The following CFAP45 variants were observed in gnomAD, a reference collection of about 807,000 sequenced individuals.
CFAP45 encodes cilia- and flagella-associated protein 45.
Under a neutral mutation model 75.6 loss-of-function variants are expected in CFAP45, and 43 were observed. The ratio of observed to expected loss-of-function variants is 0.57; its 90% CI spans 0.45 to 0.73. The LOEUF is 0.73. CFAP45 is among the 30% of genes least tolerant of loss of function. The pLI, the probability that CFAP45 is intolerant of heterozygous loss-of-function variation, is 0.00. For synonymous variants in CFAP45, 223 were observed against 244.6 expected (o/e 0.91, Z 0.82); for missense variants, 689 against 701.5 (o/e 0.98, Z 0.20).
intron 10 of CFAP45, chr1:159,876,301 C>T (rs74381625): frequency 0.037 from 20,288 of 555,728 alleles, 744 homozygotes; most frequent in African/African-American, 0.14. Flanking sequence ...TTTTACTGTT[C>T]CAGGGTAAAT....
At position 159,872,451 on chromosome 1, in the gene CFAP45, C is replaced by T. The variant is rs571895995; in HGVS notation, c.*34G>A. The T allele has an allele frequency of 3.8e-6, 6 of 1,563,086 alleles. No individual in the cohort carries two copies. The East Asian group carries it at 1.3e-4, about 35-fold the overall frequency. ...CCCAGAGACTGGGCAGAATCTGTCC[C>T]CCGAAGGCATCCTGAGGGCCACGAA... On this transcript the variant is annotated 3_prime_UTR_variant, in exon 12 of 12. Coordinates refer to ENST00000368099, the MANE Select transcript of CFAP45 (RefSeq NM_012337.3).
intron 8 of CFAP45, among the ~76,000 whole-genome samples, chr1:159,878,079 G>C (rs1469761306): frequency 6.6e-6 from 1 of 152,204 alleles, no homozygotes; most frequent in Non-Finnish European, 1.5e-5. Context: ...TCTTGCCCAA[G>C]ATTGCACAGG....
chr1:159,889,581 A>C (rs1649779122), intron 3 of CFAP45, among the ~76,000 whole-genome samples: 1 of 152,236 alleles, frequency 6.6e-6, no homozygotes, highest in African/African-American at 2.4e-5. Flanking sequence ...CCTGAAAAAT[A>C]ACCAGCCACT....
intron 10 of CFAP45, 101 bp downstream of exon 10, chr1:159,876,455 C>G (rs1198512171): frequency 1.2e-6 from 1 of 848,070 alleles, no homozygotes; most frequent in East Asian, 2.7e-5. Flanking sequence ...ACAAGATCGA[C>G]GAGCATCTGT....
At chr1:159,897,260 T>A (rs1294305021) in intron 1 of CFAP45, among the ~76,000 whole-genome samples, 1 of 150,648 alleles carries the variant, frequency 6.6e-6, no homozygotes, top group African/African-American at 2.4e-5. Context: ...CAAGACACTG[T>A]CTCAAAAAAT....
chr1:159,881,419 C>T (rs780299026), intron 7 of CFAP45, among the ~76,000 whole-genome samples: 19 of 152,156 alleles, frequency 1.2e-4, no homozygotes, highest in Non-Finnish European at 1.8e-4. Flanking sequence ...CTTAAGGTGG[C>T]GACACACCTC....
In CFAP45 at chr1:159,886,380, G is replaced by A. The variant is rs553178759; in HGVS notation, c.767+131C>T. 9.8e-4 allele frequency: 801 copies of A among 816,354 alleles called. 20 individuals carry two copies. In the South Asian group the frequency reaches 0.012, roughly 12 times the overall value. The allele number at this position is 816,354 out of a possible 1,614,324, so 50.6% of individuals were successfully genotyped here. A position where few individuals can be genotyped will look rare whatever the true frequency, so the allele number is the denominator to read the frequency against. ...GTTCTGTGATTCTATGTATCACTTC[G>A]TAAAGTTTTGAGATAATAAGTAGAT... is the stretch of plus-strand genomic sequence containing the variant. On this transcript the variant is annotated intron_variant, in intron 6 of 11. Transcript: ENST00000368099.
chr1:159,880,838 T>G, intron 7 of CFAP45, 138 bp from the exon 8 acceptor site: 1 of 726,510 alleles, frequency 1.4e-6, no homozygotes, highest in Non-Finnish European at 2.2e-6. Context: ...TATCCTTTGT[T>G]AAAGCTGTTT....
chr1:159,898,006 C>G, intron 1 of CFAP45: 1 of 616,186 alleles, frequency 1.6e-6, no homozygotes, highest in Non-Finnish European at 2.0e-6. Context: ...AACTTCAACA[C>G]CTGTCAACTA....
At chr1:159,881,415 G>A (rs1475792461) in intron 7 of CFAP45, among the ~76,000 whole-genome samples, 1 of 152,128 alleles carries the variant, frequency 6.6e-6, no homozygotes, top group African/African-American at 2.4e-5. Flanking sequence ...TGCACTTAAG[G>A]TGGCGACACA....
chr1:159,881,367 C>T (rs1649547019), intron 7 of CFAP45, among the ~76,000 whole-genome samples: 1 of 152,160 alleles, frequency 6.6e-6, no homozygotes, highest in Non-Finnish European at 1.5e-5. Flanking sequence ...GCTTGATTGC[C>T]TCAACTTTCA....
chr1:159,890,736 G>C, intron 2 of CFAP45, 114 bp from the exon 3 acceptor site: 1 of 700,188 alleles, frequency 1.4e-6, no homozygotes, highest in Non-Finnish European at 2.3e-6. Context: ...GGCTGGATGT[G>C]TACCGACCAG....
intron 8 of CFAP45, among the ~76,000 whole-genome samples, chr1:159,879,161 T>C (rs190252053): frequency 1.2e-4 from 19 of 152,284 alleles, no homozygotes; most frequent in Admixed American, 7.2e-4. Context: ...GGCGACTCCT[T>C]ATCATTCCAC....
In CFAP45 at chr1:159,872,993, G is replaced by T. The variant is rs760190244; in HGVS notation, c.1528C>A (p.Arg510Ser). The T allele has an allele frequency of 6.2e-7, 1 of 1,614,234 alleles. No homozygotes were observed. The highest frequency in any genetic ancestry group is 1.1e-5 in the South Asian group (1 of 91,086). The change falls in exon 11 of 12, where the codon CGC becomes AGC. Residue 510 changes from arginine to serine, a missense_variant. Physicochemically the swap from Arg to Ser is moderately radical, Grantham distance 110. Coordinates refer to ENST00000368099, the MANE Select transcript of CFAP45 (RefSeq NM_012337.3). ...TTGATCTCATCGATGCGCTCACGGC[G>T]TTTCTGGGCCTCCTCTTTGAGGCGC... ...GRRLKEEAQKRRERIDEIKRK... is the reference protein window; with the variant it reads ...GRRLKEEAQKSRERIDEIKRK...
In CFAP45 at chr1:159,893,233, G is replaced by T. The variant is rs774231764; in HGVS notation, c.76C>A (p.Arg26=). ...ACCTCAGAGCTCACGGCTTTGGTCC[G>T]ATAGCGAGCCTTATTCCTTGACCTG... ...SNRSRNKARY[R]TKAVSSEVDE... is the part of the protein sequence containing the mutation. The change falls in exon 2 of 12, where the codon CGG becomes AGG. Residue 26 remains arginine (R), a synonymous_variant. Coordinates refer to ENST00000368099, the MANE Select transcript of CFAP45 (RefSeq NM_012337.3). The T allele has an allele frequency of 1.2e-6, 2 of 1,614,072 alleles. No individual in the cohort carries two copies. The highest frequency in any genetic ancestry group is 1.7e-6 in the Non-Finnish European group (2 of 1,179,988).
chr1:159,877,840 G>A (rs1271066772), intron 8 of CFAP45, among the ~76,000 whole-genome samples: 1 of 151,758 alleles, frequency 6.6e-6, no homozygotes, highest in Non-Finnish European at 1.5e-5. Context: ...TTGCATTACT[G>A]CATTCCCCTG....
intron 8 of CFAP45, among the ~76,000 whole-genome samples, chr1:159,879,623 T>G (rs1005774962): frequency 1.3e-5 from 2 of 152,194 alleles, no homozygotes; most frequent in Non-Finnish European, 2.9e-5. Context: ...GCATAGAGTG[T>G]CCCCAGCATC....
chr1:159,898,700 A>C (rs1334847852), intron 1 of CFAP45, among the ~76,000 whole-genome samples: 1 of 152,178 alleles, frequency 6.6e-6, no homozygotes, highest in African/African-American at 2.4e-5. Flanking sequence ...AAAAGAGGAC[A>C]AAAGGGGAAC....
intron 10 of CFAP45, 27 bp from the exon 11 acceptor site, chr1:159,873,195 G>C (rs780324973): frequency 1.3e-6 from 2 of 1,599,120 alleles, no homozygotes; most frequent in South Asian, 2.2e-5. Flanking sequence ...GGAATGGAAT[G>C]AACTCAGCTG....
Sources: gnomAD v4.1 joint callset for allele counts (sites outside exome capture counted in the v4.1 genomes callset) on GRCh38, gnomAD v4.1.1 for gene constraint, MANE v1.5 for transcripts, NCBI Gene and HGNC (gene_info 2026-07-23, HGNC 2026-07-21) for gene names.